Variants in SLCO1B3 observed in about 807,000 individuals in gnomAD.
SLCO1B3 encodes solute carrier organic anion transporter family member 1B3, also known as liver-specific organic anion transporter 2.
A neutral mutation model predicts 71.8 loss-of-function variants in SLCO1B3; 72 were observed. The ratio of observed to expected loss-of-function variants is 1.00; its 90% CI spans 0.83 to 1.22. The LOEUF is 1.22. Ranked by LOEUF, SLCO1B3 falls within the 50% of genes most tolerant of loss-of-function variation. The pLI is 0.00. For synonymous variants in SLCO1B3, 298 were observed against 278.4 expected (o/e 1.07, Z -0.70); for missense variants, 911 against 819.7 (o/e 1.11, Z -1.36).
At chr12:20,857,569 A>G (rs1865166656) in intron 4 of SLCO1B3, among the ~76,000 whole-genome samples, 1 of 151,844 alleles carries the variant, frequency 6.6e-6, no homozygotes, top group South Asian at 2.1e-4. Flanking sequence ...TTGTCTTATT[A>G]TTTTTAGTCT....
intron 15 of SLCO1B3, among the ~76,000 whole-genome samples, chr12:20,905,712 T>C (rs1200125839): frequency 1.3e-5 from 2 of 152,202 alleles, no homozygotes; most frequent in African/African-American, 4.8e-5. Context: ...ATCCTGAACT[T>C]CATTGTCCAT....
chr12:20,879,759 T>C (rs1865654709), intron 11 of SLCO1B3, 128 bp downstream of exon 11: 1 of 696,056 alleles, frequency 1.4e-6, no homozygotes, highest in Non-Finnish European at 2.2e-6. Context: ...ATTTCAATTT[T>C]CAAATTCTTA....
intron 15 of SLCO1B3, among the ~76,000 whole-genome samples, chr12:20,908,771 T>C (rs1321945950): frequency 6.6e-6 from 1 of 152,242 alleles, no homozygotes; most frequent in Non-Finnish European, 1.5e-5. Flanking sequence ...CACCATAGTT[T>C]ATACATTTGC....
chr12:20,872,053 T>C (rs1865484787), intron 8 of SLCO1B3, among the ~76,000 whole-genome samples: 1 of 152,044 alleles, frequency 6.6e-6, no homozygotes, highest in Non-Finnish European at 1.5e-5. Flanking sequence ...AATTTACCTG[T>C]AATAGATATC....
intron 3 of SLCO1B3, among the ~76,000 whole-genome samples, chr12:20,826,239 TATA>T (rs1330232862): frequency 6.6e-6 from 1 of 151,814 alleles, no homozygotes; most frequent in Non-Finnish European, 1.5e-5. Flanking sequence ...ACTTTTTTTT[TATA>T]ATGTCAGGCC....
chr12:20,905,443 T>A (rs1866223763), intron 15 of SLCO1B3, among the ~76,000 whole-genome samples: 1 of 152,228 alleles, frequency 6.6e-6, no homozygotes. Context: ...TTTCCAAACA[T>A]TTAAATGTAA....
rs182071289 is a variant in SLCO1B3 at position 20,864,562 on chromosome 12, G to A, written c.727+1708G>A. Among the ~76,000 whole-genome samples the A allele has an allele frequency of 2.6e-5, 4 of 152,268 alleles. No homozygotes were observed. In the East Asian group the frequency reaches 7.7e-4, roughly 29 times the overall value. On this transcript the variant is annotated intron_variant, in intron 8 of 15. Coordinates refer to ENST00000381545, the MANE Select transcript of SLCO1B3 (RefSeq NM_019844.4). ...TCTTCCATGTTAGACATGTGGCTTAGTGTAGCTACACGTTATGTACATCAT... is the reference window on the plus strand; with the variant it reads ...TCTTCCATGTTAGACATGTGGCTTAATGTAGCTACACGTTATGTACATCAT...
chr12:20,843,141 C>T (rs546057357), intron 3 of SLCO1B3, among the ~76,000 whole-genome samples: 1 of 152,122 alleles, frequency 6.6e-6, no homozygotes, highest in Admixed American at 6.5e-5. Context: ...TTTGATACGC[C>T]TCTTTAACCT....
intron 15 of SLCO1B3, among the ~76,000 whole-genome samples, chr12:20,909,045 A>C (rs918292246): frequency 2.6e-5 from 4 of 152,034 alleles, no homozygotes; most frequent in Non-Finnish European, 5.9e-5. Context: ...CCTTATCCAC[A>C]TCTAATGTCT....
At chr12:20,821,983 A>G (rs1215179059) in intron 3 of SLCO1B3, among the ~76,000 whole-genome samples, 1 of 152,198 alleles carries the variant, frequency 6.6e-6, no homozygotes, top group African/African-American at 2.4e-5. Flanking sequence ...GAAAGGAGAA[A>G]GAGGTTGAGG....
At chr12:20,828,080 G>A (rs1030372548) in intron 3 of SLCO1B3, among the ~76,000 whole-genome samples, 2 of 152,048 alleles carry the variant, frequency 1.3e-5, no homozygotes, top group Non-Finnish European at 2.9e-5. Flanking sequence ...ATTTAGATAG[G>A]TAGTTTTAAA....
At chr12:20,827,958 C>T (rs781191054) in intron 3 of SLCO1B3, among the ~76,000 whole-genome samples, 12 of 152,240 alleles carry the variant, frequency 7.9e-5, no homozygotes, top group South Asian at 2.1e-4. Context: ...GCAAAATTTA[C>T]ATCTCAAGGT....
chr12:20,863,423 A>G (rs1319400776), intron 8 of SLCO1B3, among the ~76,000 whole-genome samples: 2 of 152,188 alleles, frequency 1.3e-5, no homozygotes, highest in African/African-American at 2.4e-5. Context: ...CTCTCAGAGC[A>G]TGCTTTATTT....
intron 8 of SLCO1B3, among the ~76,000 whole-genome samples, chr12:20,873,280 A>G (rs1181670817): frequency 6.6e-6 from 1 of 152,210 alleles, no homozygotes; most frequent in East Asian, 1.9e-4. Flanking sequence ...CTCAGAAAAG[A>G]TGAAATGTTA....
chr12:20,905,100 C>T (rs1866214967), intron 15 of SLCO1B3, among the ~76,000 whole-genome samples: 1 of 152,186 alleles, frequency 6.6e-6, no homozygotes, highest in African/African-American at 2.4e-5. Flanking sequence ...TTGGGGCTTG[C>T]ACCCTCTGAA....
intron 5 of SLCO1B3, among the ~76,000 whole-genome samples, chr12:20,859,942 G>A (rs1865221279): frequency 6.7e-6 from 1 of 149,666 alleles, no homozygotes; most frequent in Non-Finnish European, 1.5e-5. Flanking sequence ...TCCAAGAAAA[G>A]CTGATCATTT....
intron 3 of SLCO1B3, among the ~76,000 whole-genome samples, chr12:20,843,915 T>C (rs1349273977): frequency 6.6e-6 from 1 of 152,152 alleles, no homozygotes; most frequent in Non-Finnish European, 1.5e-5. Flanking sequence ...TCCATATATA[T>C]GTGTGTCCCT....
At chr12:20,905,169 G>C (rs1422703271) in intron 15 of SLCO1B3, among the ~76,000 whole-genome samples, 1 of 152,138 alleles carries the variant, frequency 6.6e-6, no homozygotes, top group African/African-American at 2.4e-5. Flanking sequence ...GGAGTCAGTG[G>C]GAAATAAGGT....
At chr12:20,901,554 A>G (rs1280480695) in intron 15 of SLCO1B3, 87 bp downstream of exon 15, 1 of 649,308 alleles carries the variant, frequency 1.5e-6, no homozygotes, top group Non-Finnish European at 2.7e-6. Flanking sequence ...TGTGATCGTA[A>G]TATTAATGAT....
Sources: gnomAD v4.1 joint callset for allele counts (sites outside exome capture counted in the v4.1 genomes callset) on GRCh38, gnomAD v4.1.1 for gene constraint, MANE v1.5 for transcripts, NCBI Gene and HGNC (gene_info 2026-07-23, HGNC 2026-07-21) for gene names.